Variants in BTRC observed in about 807,000 individuals in gnomAD.
BTRC encodes the protein beta-transducin repeat containing E3 ubiquitin protein ligase, also known as F-box/WD repeat-containing protein 1A.
Under a neutral mutation model 85.5 loss-of-function variants are expected in BTRC, and 42 were observed. The observed-to-expected ratio is 0.49, with a 90% CI of 0.38 to 0.64. The LOEUF is 0.64. Among genes scored for constraint, BTRC ranks in the 30% least tolerant of loss-of-function variants. The probability of loss-of-function intolerance (pLI) is 0.00; values close to 1 mark genes in which losing one functional copy is unlikely to be tolerated. For missense variants in BTRC, 594 were observed against 743.5 expected (o/e 0.80, Z 2.34); for synonymous variants, 255 against 263.3 (o/e 0.97, Z 0.30).
rs7088899 is a variant in BTRC at position 101,505,157 on chromosome 10, G to A, written c.325-16482G>A. Among the ~76,000 whole-genome samples, 20 of 118,904 alleles carry A rather than the reference G, an allele frequency of 1.7e-4. No individual in the cohort carries two copies. In the South Asian group the frequency reaches 2.7e-3, roughly 16 times the overall value. 78.0% of individuals were successfully genotyped at this position (118,904 alleles called of 152,430 possible). On this transcript the variant is annotated intron_variant, in intron 4 of 14. Coordinates refer to ENST00000370187, the MANE Select transcript of BTRC (RefSeq NM_033637.4). ...TATATATGTATATATATATGTATAT[G>A]TATATATATATATATATATATTTTT...
chr10:101,538,442 G>C, intron 13 of BTRC, 71 bp downstream of exon 13: 1 of 1,373,696 alleles, frequency 7.3e-7, no homozygotes, highest in African/African-American at 1.4e-5. Context: ...ATGTGCTGTG[G>C]AATATGGATT....
At chr10:101,395,870 G>A (rs1001018661) in intron 1 of BTRC, among the ~76,000 whole-genome samples, 1 of 152,014 alleles carries the variant, frequency 6.6e-6, no homozygotes, top group South Asian at 2.1e-4. Context: ...AGTAATATTT[G>A]CATATTTTTT....
At chr10:101,372,672 C>A (rs1351151603) in intron 1 of BTRC, among the ~76,000 whole-genome samples, 2 of 150,242 alleles carry the variant, frequency 1.3e-5, no homozygotes, top group Non-Finnish European at 3.0e-5. Flanking sequence ...GGAGAACAGC[C>A]TGACCAACAT....
rs142036566 is a variant in BTRC, at chr10:101,418,853, C to T, written c.49-11492C>T. Among the ~76,000 whole-genome samples, 4 of 152,240 alleles carry T rather than the reference C, an allele frequency of 2.6e-5. No homozygotes were observed. In the East Asian group the frequency reaches 7.7e-4, roughly 29 times the overall value. ...CAGCTCTTTTCCCTAATGCTCTCCC[C>T]TGACCCGCCCTCCTGGCAAACAAAA... On this transcript the variant is annotated intron_variant, in intron 1 of 14. Transcript: ENST00000370187.
chr10:101,366,869 A>G lies in BTRC; in HGVS notation c.48+12641A>G, dbSNP rs12413769. Among the ~76,000 whole-genome samples, 2 of 21,468 alleles carry G rather than the reference A, an allele frequency of 9.3e-5. 1 individual carries two copies. Among genetic ancestry groups the G allele is most frequent in the African/African-American group, 2.1e-4 (2 of 9,520 alleles). 14.1% of individuals were successfully genotyped at this position (21,468 alleles called of 152,430 possible). On this transcript the variant is annotated intron_variant, in intron 1 of 14. Transcript: ENST00000370187. ...GTATATTAATATATATTTATATATT[A>G]ATATATATTTATATATATTTATATA...
chr10:101,466,751 G>C (rs1000225302), intron 3 of BTRC, among the ~76,000 whole-genome samples: 2 of 152,186 alleles, frequency 1.3e-5, no homozygotes, highest in African/African-American at 4.8e-5. Context: ...AAAAATGACT[G>C]TGTTGTCATC....
chr10:101,404,956 C>T (rs1053911450), intron 1 of BTRC, among the ~76,000 whole-genome samples: 7 of 148,590 alleles, frequency 4.7e-5, no homozygotes, highest in Non-Finnish European at 8.9e-5. Context: ...CTAGATGGTG[C>T]CACTGCACTC....
intron 1 of BTRC, among the ~76,000 whole-genome samples, chr10:101,378,520 A>ATTTTT (rs368968037): frequency 1.0e-5 from 1 of 97,056 alleles, no homozygotes. Flanking sequence ...CCCAATTATA[A>ATTTTT]TTTTTTTTTT....
intron 1 of BTRC, among the ~76,000 whole-genome samples, chr10:101,407,878 A>G (rs2134015418): frequency 6.6e-6 from 1 of 151,928 alleles, no homozygotes; most frequent in Non-Finnish European, 1.5e-5. Context: ...GCGTACCACC[A>G]TGCCCAGCTA....
intron 1 of BTRC, among the ~76,000 whole-genome samples, chr10:101,404,997 TAAA>T (rs34206285): frequency 1.8e-3 from 225 of 123,748 alleles, no homozygotes; most frequent in African/African-American, 2.2e-3. Context: ...GAATCCATCT[TAAA>T]AAAAAAAAAA....
rs566996153 is a variant in BTRC, at chr10:101,422,171, C to T, written c.49-8174C>T. 2.1e-3 allele frequency among the ~76,000 whole-genome samples: 319 copies of T among 152,228 alleles called. 2 individuals carry two copies. The highest frequency in any genetic ancestry group is 6.8e-3 in the African/African-American group (282 of 41,546). ...TTTTAATGATCACCATTCTAACTGGCGTGAGATGGTATCTCATTGTGGTTT... is the reference window on the plus strand; with the variant it reads ...TTTTAATGATCACCATTCTAACTGGTGTGAGATGGTATCTCATTGTGGTTT... On this transcript the variant is annotated intron_variant, in intron 1 of 14. Transcript: ENST00000370187.
chr10:101,390,264 AGGGAATAAATCAAACAATGTTTAT>A (rs1310937349), intron 1 of BTRC, among the ~76,000 whole-genome samples: 4 of 151,678 alleles, frequency 2.6e-5, no homozygotes, highest in African/African-American at 7.3e-5. Flanking sequence ...GAGTCATTGT[AGGGAATAAATCAAACAATGTTTAT>A]GGGAATAAAT....
chr10:101,384,497 T>C (rs542692102), intron 1 of BTRC, among the ~76,000 whole-genome samples: 8 of 152,356 alleles, frequency 5.3e-5, no homozygotes, highest in Non-Finnish European at 1.2e-4. Context: ...ATGAGTAGTT[T>C]ATGGTAAATT....
chr10:101,515,454 A>AAAATT (rs1352452930), intron 4 of BTRC, among the ~76,000 whole-genome samples: 1 of 152,126 alleles, frequency 6.6e-6, no homozygotes, highest in East Asian at 1.9e-4. Flanking sequence ...AAGTCTTTTT[A>AAAATT]AAATTTCCCT....
At chr10:101,366,784 A>ATTTTT (rs1564729603) in intron 1 of BTRC, among the ~76,000 whole-genome samples, 1 of 73,134 alleles carries the variant, frequency 1.4e-5, no homozygotes, top group African/African-American at 4.2e-5. Flanking sequence ...ATATATATAT[A>ATTTTT]TATATTTTTA....
chr10:101,537,462 A>G (rs1184194272), intron 12 of BTRC, among the ~76,000 whole-genome samples: 4 of 152,300 alleles, frequency 2.6e-5, no homozygotes, highest in African/African-American at 9.6e-5. Flanking sequence ...AGGGAGGCAG[A>G]GGTTGCAGTG....
chr10:101,556,044 C>T lies in BTRC; in HGVS notation c.*2921C>T, dbSNP rs1045232. 95,191 of 152,020 alleles carry T rather than the reference C, an allele frequency of 0.63. 30,951 individuals carry two copies. The highest frequency in any genetic ancestry group is 0.85 in the East Asian group (4,376 of 5,172). The allele number at this position is 152,020 out of a possible 1,614,324, so 9.4% of individuals were successfully genotyped here. On this transcript the variant is annotated 3_prime_UTR_variant, in exon 15 of 15. Coordinates refer to ENST00000370187, the MANE Select transcript of BTRC (RefSeq NM_033637.4). ...GATGGAAGGCCATTTGTACATGTCC[C>T]TTGGCAAAATTCTTTCTGGTGTCTC... is the stretch of plus-strand genomic sequence containing the variant.
rs182840515 is a variant in BTRC, at chr10:101,512,336, A to G, written c.325-9303A>G. Reference sequence around the variant, plus strand: ...TTTCCTTAAAGCCTTTCTCAAAGCCAAATGGAATCCTTAGATATCTTTTAT... The same window carrying G: ...TTTCCTTAAAGCCTTTCTCAAAGCCGAATGGAATCCTTAGATATCTTTTAT... On this transcript the variant is annotated intron_variant, in intron 4 of 14. Transcript: ENST00000370187. 4.6e-5 allele frequency among the ~76,000 whole-genome samples: 7 copies of G among 152,364 alleles called. No individual in the cohort carries two copies. In the South Asian group the frequency reaches 6.2e-4, roughly 14 times the overall value.
chr10:101,550,551 G>A (rs2062633336), intron 13 of BTRC, 148 bp from the exon 14 acceptor site: 23 of 700,166 alleles, frequency 3.3e-5, no homozygotes, highest in South Asian at 2.3e-4. Flanking sequence ...CAAAGTGCTG[G>A]GATTACAGGT....
Sources: allele counts gnomAD v4.1 joint callset (sites outside exome capture counted in the v4.1 genomes callset), GRCh38; gene constraint gnomAD v4.1.1; transcripts MANE v1.5; gene names NCBI Gene and HGNC (gene_info 2026-07-23, HGNC 2026-07-21).